The following FYB1 variants were observed in gnomAD, a reference collection of about 807,000 sequenced individuals.
The protein encoded by FYB1 is FYN-binding protein 1.
Under a neutral mutation model 94.1 loss-of-function variants are expected in FYB1, and 41 were observed. The observed-to-expected ratio is 0.44, with a 90% CI of 0.34 to 0.57. The LOEUF (loss-of-function observed/expected upper bound fraction) is 0.57. FYB1 is among the 20% of genes least tolerant of loss of function. The pLI, the probability that FYB1 is intolerant of heterozygous loss-of-function variation, is 0.02. For missense variants in FYB1, 1,050 were observed against 976.8 expected (o/e 1.07, Z -1.00); for synonymous variants, 367 against 353.2 (o/e 1.04, Z -0.44).
At chr5:39,250,874 G>C (rs1200760565) in intron 1 of FYB1, 3 of 152,160 alleles carry the variant, frequency 2.0e-5, no homozygotes, top group African/African-American at 7.2e-5. Flanking sequence ...GTCTTAAGCT[G>C]AGATTTTATG....
intron 1 of FYB1, among the ~76,000 whole-genome samples, chr5:39,272,175 T>G (rs749848464): frequency 6.6e-5 from 10 of 152,144 alleles, no homozygotes; most frequent in Non-Finnish European, 1.3e-4. Context: ...CATCAGTGTA[T>G]TTCAAAGCTC....
chr5:39,202,463 C>G lies in FYB1; in HGVS notation c.498G>C (p.Gln166His). ...CAGTCAATTTGGGAAACGCTTGCTT[C>G]TGTTCATTTTCTGAGGTTGGAGGAG... is the stretch of plus-strand genomic sequence containing the variant. ...GPTPPTSENE[Q>H]KQAFPKLTGV... Residue 166 changes from glutamine (Q) to histidine (H), a missense_variant, in exon 2 of 19, where the codon CAG becomes CAC. Transcript: ENST00000512982. 6.2e-7 allele frequency: 1 copy of G among 1,613,864 alleles called. No homozygotes were observed. Among genetic ancestry groups the G allele is most frequent in the South Asian group, 1.1e-5 (1 of 91,074 alleles).
rs553524951 is a variant in FYB1 at position 39,248,625 on chromosome 5, TC to T, written c.-28+25777del. Among the ~76,000 whole-genome samples the T allele has an allele frequency of 1.5e-3, 229 of 152,214 alleles. 1 individual carries two copies. Among genetic ancestry groups the T allele is most frequent in the African/African-American group, 5.2e-3 (214 of 41,526 alleles). ...CGGCTGAGGTGGGGATCACTTGAGG[TC>T]AGGAGTTCGAGACCAGCCTGGCCAA... is the stretch of plus-strand genomic sequence containing the variant. On this transcript the variant is annotated intron_variant, in intron 1 of 1. Coordinates refer to the FYB1 transcript ENST00000510188.
chr5:39,255,828 G>C (rs1751914240), intron 1 of FYB1, among the ~76,000 whole-genome samples: 1 of 152,180 alleles, frequency 6.6e-6, no homozygotes, highest in Admixed American at 6.5e-5. Context: ...GACCAATCCA[G>C]TCTCAGTGTG....
At chr5:39,162,600 G>A (rs1476847813) in intron 2 of FYB1, among the ~76,000 whole-genome samples, 3 of 152,044 alleles carry the variant, frequency 2.0e-5, no homozygotes. Context: ...CAGGAGAATC[G>A]CTTGAACCAG....
intron 2 of FYB1, among the ~76,000 whole-genome samples, chr5:39,193,271 C>T (rs921840384): frequency 2.6e-5 from 4 of 152,006 alleles, no homozygotes; most frequent in African/African-American, 9.7e-5. Flanking sequence ...GGGAGCAAAT[C>T]GATGATCTTT....
At chr5:39,173,332 T>C (rs1178563140) in intron 2 of FYB1, among the ~76,000 whole-genome samples, 1 of 152,230 alleles carries the variant, frequency 6.6e-6, no homozygotes, top group African/African-American at 2.4e-5. Context: ...TTGTAGATTC[T>C]GGATATTAGA....
intron 3 of FYB1, among the ~76,000 whole-genome samples, chr5:39,145,514 A>G (rs1217633453): frequency 6.6e-6 from 1 of 152,190 alleles, no homozygotes; most frequent in Admixed American, 6.5e-5. Context: ...TTTAAATACA[A>G]ATTACTAGAT....
intron 16 of FYB1, among the ~76,000 whole-genome samples, chr5:39,117,647 T>G (rs1739696177): frequency 6.6e-6 from 1 of 152,182 alleles, no homozygotes; most frequent in South Asian, 2.1e-4. Context: ...CTTGAGTCAC[T>G]GTGTTTTATT....
At chr5:39,219,311 A>G (rs1750113185) in intron 1 of FYB1, 132 bp downstream of exon 1, 1 of 472,706 alleles carries the variant, frequency 2.1e-6, no homozygotes, top group Admixed American at 6.4e-5. Context: ...GCTATTTTCC[A>G]ACAGAACATG....
At chr5:39,145,051 G>T (rs1742522903) in intron 3 of FYB1, among the ~76,000 whole-genome samples, 1 of 152,084 alleles carries the variant, frequency 6.6e-6, no homozygotes, top group African/African-American at 2.4e-5. Context: ...GAGGCAAGTG[G>T]GTGAGGGTAT....
At position 39,168,531 on chromosome 5, in the gene FYB1, A is replaced by T. The variant is rs1245000912; in HGVS notation, c.1136-14927T>A. ...TGATCTATACTGCCCTAATTGCCAC[A>T]GTTAGGTTATCAATTGCATGTAAAG... On this transcript the variant is annotated intron_variant, in intron 2 of 18. Transcript: ENST00000512982. 2.6e-5 allele frequency among the ~76,000 whole-genome samples: 4 copies of T among 152,186 alleles called. No individual in the cohort carries two copies. In the East Asian group the frequency reaches 7.7e-4, roughly 29 times the overall value.
chr5:39,215,770 T>A (rs1471396074), intron 1 of FYB1, among the ~76,000 whole-genome samples: 1 of 152,176 alleles, frequency 6.6e-6, no homozygotes, highest in African/African-American at 2.4e-5. Flanking sequence ...CAGATGTTGG[T>A]TGCTTGTCTA....
intron 1 of FYB1, among the ~76,000 whole-genome samples, chr5:39,243,956 G>A (rs1435895516): frequency 2.0e-5 from 3 of 152,146 alleles, no homozygotes; most frequent in Non-Finnish European, 4.4e-5. Flanking sequence ...TGTTATTGGT[G>A]TATAAGAATG....
intron 7 of FYB1, among the ~76,000 whole-genome samples, chr5:39,136,337 G>A (rs1741677754): frequency 6.6e-6 from 1 of 152,016 alleles, no homozygotes; most frequent in African/African-American, 2.4e-5. Flanking sequence ...CCAAAGTGCT[G>A]GGATTACAGG....
Position 39,202,061 on chromosome 5 carries a change from A to T in FYB1, c.900T>A (p.Asn300Lys), listed in dbSNP as rs780952281. The T allele has an allele frequency of 6.2e-7, 1 of 1,613,912 alleles. No homozygotes were observed. The highest frequency in any genetic ancestry group is 8.5e-7 in the Non-Finnish European group (1 of 1,179,866). The change falls in exon 2 of 19, where the codon AAT becomes AAA. Residue 300 changes from asparagine (N) to lysine (K), a missense_variant. Asn to Lys is a moderately conservative substitution (Grantham distance 94). Transcript: ENST00000512982. Reference protein sequence around the residue: ...AAKNTFQSKINQEELASGTPP... With the variant: ...AAKNTFQSKIKQEELASGTPP... Reference sequence around the variant, plus strand: ...GAGTCCCTGAGGCCAACTCTTCCTGATTTATTTTGCTCTGGAAGGTGTTCT... The same window carrying T: ...GAGTCCCTGAGGCCAACTCTTCCTGTTTTATTTTGCTCTGGAAGGTGTTCT...
At chr5:39,192,223 C>A (rs1747430496) in intron 2 of FYB1, among the ~76,000 whole-genome samples, 2 of 152,036 alleles carry the variant, frequency 1.3e-5, no homozygotes, top group South Asian at 4.1e-4. Context: ...TCAGAAAGAG[C>A]CTTTATTTTT....
intron 1 of FYB1, among the ~76,000 whole-genome samples, chr5:39,270,334 C>T (rs932389388): frequency 3.9e-5 from 6 of 152,176 alleles, no homozygotes; most frequent in African/African-American, 1.2e-4. Context: ...CAAGACAGTG[C>T]TCTTCCCCTA....
intron 10 of FYB1, among the ~76,000 whole-genome samples, chr5:39,129,163 T>A (rs1740951435): frequency 6.6e-6 from 1 of 151,992 alleles, no homozygotes; most frequent in African/African-American, 2.4e-5. Context: ...CACATATTTA[T>A]AGCCAACTGA....
Sources: allele counts gnomAD v4.1 joint callset (sites outside exome capture counted in the v4.1 genomes callset), GRCh38; gene constraint gnomAD v4.1.1; transcripts MANE v1.5; gene names NCBI Gene and HGNC (gene_info 2026-07-23, HGNC 2026-07-21).